NAXD: variants seen among roughly 807,000 people sequenced by gnomAD.
NAXD encodes NAD(P)HX dehydratase.
A neutral mutation model predicts 35.8 loss-of-function variants in NAXD; 22 were observed. The observed-to-expected ratio is 0.62, with a 90% CI of 0.44 to 0.88. NAXD has a LOEUF of 0.88. Ranked by LOEUF, NAXD falls within the 40% of genes least tolerant of loss-of-function variation. The probability of loss-of-function intolerance (pLI) is 0.00; values close to 1 mark genes in which losing one functional copy is unlikely to be tolerated. For missense variants in NAXD, 428 were observed against 437.7 expected, an observed-to-expected ratio of 0.98 and a Z score of 0.20; for synonymous variants, 189 against 177.6, an observed-to-expected ratio of 1.06 and a Z score of -0.51.
At chr13:110,629,641 A>G (rs764115682) in intron 5 of NAXD, among the ~76,000 whole-genome samples, 1 of 152,222 alleles carries the variant, frequency 6.6e-6, no homozygotes, top group Non-Finnish European at 1.5e-5. Flanking sequence ...TGTAGCATGT[A>G]TCAGTATTCC....
rs755191502 is a variant in NAXD at position 110,638,203 on chromosome 13, ATGG to A, written c.840-170_840-168del. ...CCTGCCAGGGAGTAGTGGAGGGTTA[ATGG>A]TGGTTTTCGCTGTGATAAACCTGCT... On this transcript the variant is annotated intron_variant, in intron 9 of 9. Coordinates refer to ENST00000680254, the MANE Select transcript of NAXD (RefSeq NM_001242882.2). The surrounding 1 kb of genome is among the most constrained non-coding windows in gnomAD (Gnocchi z 5.4). 6.5e-7 allele frequency: 1 copy of A among 1,526,836 alleles called. No individual in the cohort carries two copies. The highest frequency in any genetic ancestry group is 8.8e-7 in the Non-Finnish European group (1 of 1,136,278). The allele number at this position is 1,526,836 out of a possible 1,614,324, so 94.6% of individuals were successfully genotyped here.
In NAXD at chr13:110,638,969, C is replaced by T. The variant is rs554181625; in HGVS notation, c.*441C>T. 3.0e-4 allele frequency: 106 copies of T among 353,774 alleles called. No individual in the cohort carries two copies. The highest frequency in any genetic ancestry group is 2.0e-3 in the African/African-American group (92 of 46,888). The allele number at this position is 353,774 out of a possible 1,614,324, so 21.9% of individuals were successfully genotyped here. ...CGGCAGGGAGCTGGGCAGGGGTCCCCGGGTGTCTCCCTGAGTCCCGACTGC... is the reference window on the plus strand; with the variant it reads ...CGGCAGGGAGCTGGGCAGGGGTCCCTGGGTGTCTCCCTGAGTCCCGACTGC... On this transcript the variant is annotated 3_prime_UTR_variant, in exon 10 of 10. Transcript: ENST00000680254. This position sits in a 1 kb window ranked among gnomAD's most constrained non-coding sequence, Gnocchi z 5.4.
intron 4 of NAXD, 56 bp from the exon 5 acceptor site, chr13:110,627,383 C>T (rs1566617419): frequency 9.4e-7 from 1 of 1,066,226 alleles, no homozygotes; most frequent in Admixed American, 1.9e-5. Flanking sequence ...AAATACATGA[C>T]AGTAAGTAAA....
chr13:110,622,652 C>T (rs1329422617), intron 2 of NAXD, among the ~76,000 whole-genome samples: 1 of 152,170 alleles, frequency 6.6e-6, no homozygotes, highest in Non-Finnish European at 1.5e-5. Flanking sequence ...AACTGGACTT[C>T]ATACCACAAG....
intron 1 of NAXD, among the ~76,000 whole-genome samples, chr13:110,619,100 C>A (rs1408041131): frequency 6.6e-6 from 1 of 152,220 alleles, no homozygotes; most frequent in Non-Finnish European, 1.5e-5. Context: ...GGACTCGTGG[C>A]TGCAGCTTAA....
intron 1 of NAXD, 39 bp from the exon 2 acceptor site, chr13:110,622,177 G>GT: frequency 6.4e-7 from 1 of 1,570,938 alleles, no homozygotes. Flanking sequence ...AACAATATCT[G>GT]TTTACCTTTC....
rs1340258926 is a variant in NAXD, at chr13:110,638,796, A to G, written c.*268A>G. 3.3e-6 allele frequency: 2 copies of G among 614,758 alleles called. No homozygotes were observed. The highest frequency in any genetic ancestry group is 3.6e-5 in the African/African-American group (2 of 54,818). 38.1% of individuals were successfully genotyped at this position (614,758 alleles called of 1,614,324 possible). A position where few individuals can be genotyped will look rare whatever the true frequency, so the allele number is the denominator to read the frequency against. On this transcript the variant is annotated 3_prime_UTR_variant, in exon 10 of 10. Transcript: ENST00000680254. This position sits in a 1 kb window ranked among gnomAD's most constrained non-coding sequence, Gnocchi z 5.4. The stretch of plus-strand genomic sequence containing the variant: ...CCTTGGTAGTAACTGGGAAGACAGA[A>G]ATGAAGAAAATCACATGAGAATGAA...
intron 1 of NAXD, among the ~76,000 whole-genome samples, chr13:110,620,906 T>A (rs1472898796): frequency 2.0e-5 from 3 of 152,226 alleles, no homozygotes. Flanking sequence ...CCTTTCATTC[T>A]AGGGAGAATG....
At chr13:110,616,012 C>T (rs1475594598) in intron 1 of NAXD, 5 of 375,290 alleles carry the variant, frequency 1.3e-5, no homozygotes, top group Non-Finnish European at 2.3e-5. Flanking sequence ...CCAGGAGCGG[C>T]GGAGCCCGCG....
chr13:110,615,655 C>T lies in NAXD; in HGVS notation c.46+8C>T, dbSNP rs765348399. Reference sequence around the variant, plus strand: ...TCCGGGCTTGCAGACGAGGTAAGGTCGATTCCATTTGGCCCGGGGATGGTC... The same window carrying T: ...TCCGGGCTTGCAGACGAGGTAAGGTTGATTCCATTTGGCCCGGGGATGGTC... On this transcript the variant is annotated splice_region_variant and intron_variant, in intron 1 of 9. Transcript: ENST00000680254. The T allele has an allele frequency of 2.0e-6, 3 of 1,510,554 alleles. No homozygotes were observed. Among genetic ancestry groups the T allele is most frequent in the Middle Eastern group, 1.7e-4 (1 of 5,898 alleles). The allele number at this position is 1,510,554 out of a possible 1,614,324, so 93.6% of individuals were successfully genotyped here.
intron 1 of NAXD, among the ~76,000 whole-genome samples, chr13:110,621,018 A>G (rs544029339): frequency 1.3e-5 from 2 of 152,358 alleles, no homozygotes; most frequent in African/African-American, 4.8e-5. Flanking sequence ...AAGCTCTTCA[A>G]GAAAGGCCAA....
intron 1 of NAXD, among the ~76,000 whole-genome samples, chr13:110,620,377 C>T (rs1258933196): frequency 2.0e-5 from 3 of 151,690 alleles, no homozygotes; most frequent in Admixed American, 1.3e-4. Flanking sequence ...GTCAGGAGAT[C>T]GAGACCACCC....
At chr13:110,615,526 G>A, upstream of NAXD, 1 of 1,309,280 alleles carries the variant, frequency 7.6e-7, no homozygotes, top group Non-Finnish European at 9.8e-7. Flanking sequence ...AGGCGGTCGG[G>A]AAACCGGAAA....
intron 2 of NAXD, 140 bp downstream of exon 2, chr13:110,622,506 G>A (rs1449959699): frequency 2.6e-6 from 2 of 778,430 alleles, no homozygotes. Flanking sequence ...GTATTTTTCA[G>A]TGATCCACTT....
chr13:110,621,217 G>C lies in NAXD; in HGVS notation c.47-999G>C, dbSNP rs575540899. Among the ~76,000 whole-genome samples, 26 of 152,358 alleles carry C rather than the reference G, an allele frequency of 1.7e-4. No individual in the cohort carries two copies. In the South Asian group the frequency reaches 5.4e-3, roughly 32 times the overall value. ...TGTCAGACTTCTGAGCACCCCAGCG[G>C]ATTACAGGTGGGAGCTTGCTTTCCA... On this transcript the variant is annotated intron_variant, in intron 1 of 9. Coordinates refer to ENST00000680254, the MANE Select transcript of NAXD (RefSeq NM_001242882.2).
rs769758273 is a variant in NAXD at position 110,638,437 on chromosome 13, A to G, written c.899A>G (p.His300Arg). ...TGCTCTCTCACCAGGCAGTGCAACC[A>G]CCAAGCCTTCCAGAAGCACGGTCGC... ...GACSLTRQCN[H>R]QAFQKHGRST... The change falls in exon 10 of 10, where the codon CAC becomes CGC. Residue 300 changes from histidine (H) to arginine (R), a missense_variant. Coordinates refer to ENST00000680254, the MANE Select transcript of NAXD (RefSeq NM_001242882.2). This position sits in a 1 kb window ranked among gnomAD's most constrained non-coding sequence, Gnocchi z 5.4. 6.2e-7 allele frequency: 1 copy of G among 1,613,504 alleles called. No homozygotes were observed. Among genetic ancestry groups the G allele is most frequent in the South Asian group, 1.1e-5 (1 of 91,082 alleles).
In NAXD at chr13:110,634,568, C is replaced by A; in HGVS notation, c.465C>A (p.Ala155=). The A allele has an allele frequency of 6.2e-7, 1 of 1,614,212 alleles. No individual in the cohort carries two copies. Among genetic ancestry groups the A allele is most frequent in the Non-Finnish European group, 8.5e-7 (1 of 1,180,036 alleles). Residue 155 remains alanine, a synonymous_variant, in exon 6 of 10, where the codon GCC becomes GCA. Transcript: ENST00000680254. ...NVQGILEVSK[A]RDIPVVIDAD... ...AGGGCATTTTGGAAGTGTCAAAGGC[C>A]AGGGACATCCCTGTTGTCATCGACG...
intron 1 of NAXD, 61 bp downstream of exon 1, chr13:110,615,708 G>A: frequency 6.6e-7 from 1 of 1,517,856 alleles, no homozygotes; most frequent in East Asian, 2.8e-5. Context: ...AACTGCCGTC[G>A]CCGGCGCGGT....
Position 110,638,499 on chromosome 13 carries a change from G to A in NAXD, c.961G>A (p.Ala321Thr). The A allele has an allele frequency of 5.6e-6, 9 of 1,612,736 alleles. No individual in the cohort carries two copies. The highest frequency in any genetic ancestry group is 5.3e-5 in the African/African-American group (4 of 75,046). The change falls in exon 10 of 10, where the codon GCC becomes ACC. Residue 321 changes from alanine to threonine, a missense_variant. Ala to Thr is a moderately conservative substitution (Grantham distance 58, BLOSUM62 0). Coordinates refer to ENST00000680254, the MANE Select transcript of NAXD (RefSeq NM_001242882.2). The surrounding 1 kb of genome is among the most constrained non-coding windows in gnomAD (Gnocchi z 5.4). ...TTSDMIAEVGAAFSKLFET is the reference protein window; with the variant it reads ...TTSDMIAEVGTAFSKLFET ...CTCCGACATGATCGCCGAGGTGGGG[G>A]CCGCCTTCAGCAAGCTCTTTGAAAC... is the stretch of plus-strand genomic sequence containing the variant.
Sources: gnomAD v4.1 joint callset for allele counts (sites outside exome capture counted in the v4.1 genomes callset) on GRCh38, gnomAD v4.1.1 for gene constraint, Gnocchi (gnomAD v3.1) non-coding constraint, MANE v1.5 for transcripts, NCBI Gene and HGNC (gene_info 2026-07-23, HGNC 2026-07-21) for gene names.